MUC5AC: variants seen among roughly 807,000 people sequenced by gnomAD.
The protein encoded by MUC5AC is mucin 5AC, oligomeric mucus/gel-forming, also known as mucin-5AC.
In MUC5AC, 158 loss-of-function variants were observed where a neutral mutation model predicts 169.7. The ratio of observed to expected loss-of-function variants is 0.93; its 90% confidence interval spans 0.82 to 1.06. MUC5AC has a LOEUF of 1.06. MUC5AC is among the 50% of genes least tolerant of loss of function. The probability of loss-of-function intolerance (pLI) is 0.00; values close to 1 mark genes in which losing one functional copy is unlikely to be tolerated. For missense variants in MUC5AC, 4,359 were observed against 3,089.9 expected (o/e 1.41, Z -9.74); for synonymous variants, 1,975 against 1,237.0 (o/e 1.60, Z -12.52).
chr11:1,195,728 G>A (rs1295491182), intron 36 of MUC5AC, 148 bp from the exon 37 acceptor site: 4 of 537,736 alleles, frequency 7.4e-6, no homozygotes, highest in East Asian at 6.2e-5. Context: ...GAAGGAGCCC[G>A]TCCGGGGATA....
At chr11:1,170,939 TCACC>T (rs1860496274) in intron 15 of MUC5AC, among the ~76,000 whole-genome samples, 2 of 74,624 alleles carry the variant, frequency 2.7e-5, no homozygotes, top group East Asian at 6.1e-4. Context: ...ACTCACCCAT[TCACC>T]CACTCACCTA....
At chr11:1,166,894 GAC>G (rs1304587511) in intron 11 of MUC5AC, among the ~76,000 whole-genome samples, 2 of 6,408 alleles carry the variant, frequency 3.1e-4, no homozygotes, top group African/African-American at 1.7e-3. Context: ...CCCTGCACCC[GAC>G]ACACAGTCTC....
chr11:1,160,814 TG>T (rs1291667038), intron 2 of MUC5AC, 125 bp downstream of exon 2: 9 of 950,988 alleles, frequency 9.5e-6, no homozygotes, highest in Middle Eastern at 2.2e-4. Flanking sequence ...GGACCAAACC[TG>T]GGGGGACAGG....
In MUC5AC at chr11:1,163,291, G is replaced by A. The variant is rs1016104695; in HGVS notation, c.679+246G>A. Among the ~76,000 whole-genome samples the A allele has an allele frequency of 7.9e-5, 12 of 152,172 alleles. No individual in the cohort carries two copies. The South Asian group carries it at 1.2e-3, about 16-fold the overall frequency. ...GCTCTGTGTGGCTGCTCTGGGTGGC[G>A]ACCCCTGACTGCACGCCCTCTCCTG... On this transcript the variant is annotated intron_variant, in intron 6 of 48. Transcript: ENST00000621226.
At chr11:1,166,055 G>A (rs1860315551) in intron 11 of MUC5AC, among the ~76,000 whole-genome samples, 1 of 152,118 alleles carries the variant, frequency 6.6e-6, no homozygotes. Flanking sequence ...ATAGTTTTAG[G>A]TTAACAAGGA....
chr11:1,194,342 C>T lies in MUC5AC; in HGVS notation c.14988C>T (p.His4996=), dbSNP rs1484690379. ...TGGTGCTGACCCGCAAGCCAGTCCA[C>T]GGGGTGATGACAAACGAGGTGGGGG... ...DRVVLTRKPV[H]GVMTNEIIFN... Residue 4996 remains histidine (H), a synonymous_variant, in exon 34 of 49, where the codon CAC becomes CAT. Coordinates refer to ENST00000621226, the MANE Select transcript of MUC5AC (RefSeq NM_001304359.2). 1.2e-5 allele frequency: 9 copies of T among 734,712 alleles called. No individual in the cohort carries two copies. Among genetic ancestry groups the T allele is most frequent in the East Asian group, 2.5e-5 (1 of 39,396 alleles). 45.5% of individuals were successfully genotyped at this position (734,712 alleles called of 1,614,324 possible). A position where few individuals can be genotyped will look rare whatever the true frequency, so the allele number is the denominator to read the frequency against.
chr11:1,175,943 GCAC>G (rs1860673233), intron 19 of MUC5AC, among the ~76,000 whole-genome samples: 1 of 121,306 alleles, frequency 8.2e-6, no homozygotes, highest in South Asian at 2.8e-4. Flanking sequence ...TCATACTCAT[GCAC>G]ACACACTCAC....
In MUC5AC at chr11:1,200,713, C is replaced by T. The variant is rs529078083; in HGVS notation, c.*11C>T. 7.9e-5 allele frequency: 57 copies of T among 720,368 alleles called. No individual in the cohort carries two copies. Among genetic ancestry groups the T allele is most frequent in the Admixed American group, 4.5e-4 (25 of 55,084 alleles). 44.6% of individuals were successfully genotyped at this position (720,368 alleles called of 1,614,324 possible). On this transcript the variant is annotated 3_prime_UTR_variant, in exon 49 of 49. Transcript: ENST00000621226. ...TCCCCCATGCACTGACCAGCACTGCCGCCCTCCTGACCTCCAAGGAGAACC... is the reference window on the plus strand; with the variant it reads ...TCCCCCATGCACTGACCAGCACTGCTGCCCTCCTGACCTCCAAGGAGAACC...
Position 1,187,977 on chromosome 11 carries a change from G to A in MUC5AC, c.9832G>A (p.Glu3278Lys). The A allele has an allele frequency of 1.3e-6, 1 of 758,082 alleles. No individual in the cohort carries two copies. The highest frequency in any genetic ancestry group is 2.4e-6 in the Non-Finnish European group (1 of 413,300). 47.0% of individuals were successfully genotyped at this position (758,082 alleles called of 1,614,324 possible). A position where few individuals can be genotyped will look rare whatever the true frequency, so the allele number is the denominator to read the frequency against. Residue 3278 changes from glutamate to lysine, a missense_variant, in exon 31 of 49, where the codon GAG becomes AAG. Glu to Lys is a moderately conservative substitution (Grantham distance 56). Transcript: ENST00000621226. ...RLQCRAESHP[E>K]VSIEHLGQVV... ...CCAGTGCCGAGCCGAGAGCCACCCG[G>A]AGGTGAGCATTGAACACCTGGGCCA...
Position 1,185,291 on chromosome 11 carries a change from T to C in MUC5AC, c.7146T>C (p.Ser2382=), listed in dbSNP as rs1860910678. The change falls in exon 31 of 49, where the codon TCT becomes TCC. Residue 2382 remains serine, a synonymous_variant. Transcript: ENST00000621226. ...CTGCCCGTACAAGCAGCACAACCTC[T>C]GCCACTACCACCAGCAGAATCTCTG... The part of the protein sequence containing the change: ...TTSARTSSTT[S]ATTTSRISGP... 1 of 667,328 alleles carries C rather than the reference T, an allele frequency of 1.5e-6. No homozygotes were observed. Among genetic ancestry groups the C allele is most frequent in the Admixed American group, 2.2e-5 (1 of 45,340 alleles). The allele number at this position is 667,328 out of a possible 1,614,324, so 41.3% of individuals were successfully genotyped here.
intron 37 of MUC5AC, 62 bp downstream of exon 37, chr11:1,196,116 C>T (rs951322393): frequency 1.1e-5 from 8 of 704,390 alleles, no homozygotes; most frequent in Admixed American, 3.8e-5. Context: ...GCACGCCGGA[C>T]GGACCAACAG....
intron 1 of MUC5AC, among the ~76,000 whole-genome samples, chr11:1,159,564 TGTGCGGGGCTGTGCGGGGCTGTGC>T (rs1860069327): frequency 2.3e-4 from 3 of 13,200 alleles, no homozygotes; most frequent in South Asian, 4.2e-3. Flanking sequence ...TGTGCGGGGC[TGTGCGGGGCTGTGCGGGGCTGTGC>T]GGGGCTGTGC....
At chr11:1,178,129 T>C (rs1284528859) in intron 24 of MUC5AC, among the ~76,000 whole-genome samples, 1 of 152,198 alleles carries the variant, frequency 6.6e-6, no homozygotes, top group Non-Finnish European at 1.5e-5. Flanking sequence ...CATCTCCCAG[T>C]GAGGTGCCAT....
In MUC5AC at chr11:1,187,815, C is replaced by T. The variant is rs1197252904; in HGVS notation, c.9670C>T (p.Leu3224Phe). The T allele has an allele frequency of 1.3e-6, 1 of 764,934 alleles. No individual in the cohort carries two copies. Among genetic ancestry groups the T allele is most frequent in the Non-Finnish European group, 2.4e-6 (1 of 417,822 alleles). 47.4% of individuals were successfully genotyped at this position (764,934 alleles called of 1,614,324 possible). Residue 3224 changes from leucine to phenylalanine, a missense_variant, in exon 31 of 49, where the codon CTC becomes TTC. By Grantham distance (22) the Leu-to-Phe change is conservative (BLOSUM62 0). Transcript: ENST00000621226. ...CCAACCAGTCACCAGAGACTGTCAT[C>T]TCCGGTGCACCTGGACCAAGTGGTT... ...HSQPVTRDCH[L>F]RCTWTKWFDI... is the part of the protein sequence containing the mutation.
In MUC5AC at chr11:1,192,941, G is replaced by A. The variant is rs1399905419; in HGVS notation, c.14539G>A (p.Val4847Ile). Reference sequence around the variant, plus strand: ...CCCTTCAATATCCACCTCCGAGCCCGTCACTGAGCTGGGATGCCCAAATGC... The same window carrying A: ...CCCTTCAATATCCACCTCCGAGCCCATCACTGAGCTGGGATGCCCAAATGC... ...TSPSISTSEP[V>I]TELGCPNAVP... The change falls in exon 32 of 49, where the codon GTC (valine) becomes ATC (isoleucine). Residue 4847 changes from valine (V) to isoleucine (I), a missense_variant. Transcript: ENST00000621226. 2.7e-5 allele frequency: 20 copies of A among 750,078 alleles called. No homozygotes were observed. Among genetic ancestry groups the A allele is most frequent in the Middle Eastern group, 2.3e-4 (1 of 4,434 alleles). 46.5% of individuals were successfully genotyped at this position (750,078 alleles called of 1,614,324 possible). A position where few individuals can be genotyped will look rare whatever the true frequency, so the allele number is the denominator to read the frequency against.
In MUC5AC at chr11:1,159,352, TGCTGTGCGGG is replaced by T. The variant is rs550095618; in HGVS notation, c.74-1235_74-1226del. On this transcript the variant is annotated intron_variant, in intron 1 of 48. Transcript: ENST00000621226. ...CCGGGCGCCCCTCCCACCATGCTGG[TGCTGTGCGGG>T]GCTGTGCGGGGCTGTGCGGGGCTGG... Among the ~76,000 whole-genome samples, 616 of 150,262 alleles carry T rather than the reference TGCTGTGCGGG, an allele frequency of 4.1e-3. 3 individuals are homozygous for T. Among genetic ancestry groups the T allele is most frequent in the South Asian group, 0.013 (62 of 4,712 alleles).
In MUC5AC at chr11:1,167,907, G is replaced by A; in HGVS notation, c.1417G>A (p.Ala473Thr). 1 of 1,550,522 alleles carries A rather than the reference G, an allele frequency of 6.4e-7. No homozygotes were observed. The change falls in exon 12 of 49, where the codon GCT becomes ACT. Residue 473 changes from alanine (A) to threonine (T), a missense_variant. Ala to Thr is a moderately conservative substitution (Grantham distance 58, BLOSUM62 0). Coordinates refer to ENST00000621226, the MANE Select transcript of MUC5AC (RefSeq NM_001304359.2). ...TGACAGCAGTGCCTTCACTGTACTG[G>A]CTGAGCTGCGCAGGTGCGGGCTGAC... The part of the protein sequence containing the change: ...PCDSSAFTVL[A>T]ELRRCGLTDS...
In MUC5AC at chr11:1,190,599, A is replaced by G. The variant is rs1292528942; in HGVS notation, c.12454A>G (p.Ser4152Gly). The G allele has an allele frequency of 4.3e-6, 3 of 694,678 alleles. No homozygotes were observed. The highest frequency in any genetic ancestry group is 4.0e-5 in the Admixed American group (2 of 49,600). The allele number at this position is 694,678 out of a possible 1,614,324, so 43.0% of individuals were successfully genotyped here. ...CAGAACGACTTCTGGTCCTACAACCAGCACAACCTTGGCTCCTACAACCAG... is the reference window on the plus strand; with the variant it reads ...CAGAACGACTTCTGGTCCTACAACCGGCACAACCTTGGCTCCTACAACCAG... ...THRTTSGPTT[S>G]TTLAPTTSTT... Residue 4152 changes from serine to glycine, a missense_variant, in exon 31 of 49, where the codon AGC becomes GGC. Ser to Gly is a moderately conservative substitution (Grantham distance 56, BLOSUM62 0). Transcript: ENST00000621226.
rs756606673 is a variant in MUC5AC, at chr11:1,192,422, C to CGTGGCATCCACCTCT, written c.14288_14302dup (p.Thr4763_Ser4767dup). The CGTGGCATCCACCTCT allele has an allele frequency of 1.4e-4, 110 of 765,136 alleles. No homozygotes were observed. In the East Asian group the frequency reaches 2.6e-3, roughly 18 times the overall value. 47.4% of individuals were successfully genotyped at this position (765,136 alleles called of 1,614,324 possible). On this transcript the variant is annotated inframe_insertion, in exon 31 of 49. Coordinates refer to ENST00000621226, the MANE Select transcript of MUC5AC (RefSeq NM_001304359.2). ...TGTCTACTTCCATGGTATCCGCCTCCGTGGCATCCACCTCTGTGGCATCCA... is the reference window on the plus strand; with the variant it reads ...TGTCTACTTCCATGGTATCCGCCTCCGTGGCATCCACCTCTGTGGCATCCACCTCTGTGGCATCCA...
Sources: allele counts gnomAD v4.1 joint callset (sites outside exome capture counted in the v4.1 genomes callset), GRCh38; gene constraint gnomAD v4.1.1; transcripts MANE v1.5; gene names NCBI Gene and HGNC (gene_info 2026-07-23, HGNC 2026-07-21).